TRIP12: variants seen among roughly 807,000 people sequenced by gnomAD.
TRIP12 encodes the protein E3 ubiquitin-protein ligase TRIP12.
A neutral mutation model predicts 244.2 loss-of-function variants in TRIP12; 25 were observed. That is an observed-to-expected ratio of 0.10 (90% CI 0.07 to 0.14). The LOEUF is 0.14. Ranked by LOEUF, TRIP12 falls within the 10% of genes least tolerant of loss-of-function variation. The pLI, the probability that TRIP12 is intolerant of heterozygous loss-of-function variation, is 1.00. For synonymous variants in TRIP12, 905 were observed against 873.1 expected (o/e 1.04, Z -0.64); for missense variants, 1,677 against 2,486.4 (o/e 0.67, Z 6.92).
At chr2:229,906,359 TTTC>T (rs1577025407) in intron 1 of TRIP12, among the ~76,000 whole-genome samples, 1 of 150,948 alleles carries the variant, frequency 6.6e-6, no homozygotes, top group East Asian at 2.0e-4. Context: ...TGCATGAATC[TTTC>T]TTCATCAGGT....
chr2:229,862,489 A>G (rs1394044981), intron 2 of TRIP12, among the ~76,000 whole-genome samples: 3 of 152,212 alleles, frequency 2.0e-5, no homozygotes, highest in African/African-American at 7.2e-5. Context: ...ATCGTTGCAG[A>G]CTGATGTTTT....
intron 28 of TRIP12, 43 bp downstream of exon 28, chr2:229,792,110 C>T: frequency 6.2e-7 from 1 of 1,614,018 alleles, no homozygotes; most frequent in South Asian, 1.1e-5. Flanking sequence ...AGGCCCTGAA[C>T]TTTATATAGT....
chr2:229,859,481 A>G lies in TRIP12; in HGVS notation c.318T>C (p.Pro106=). 1.2e-6 allele frequency: 2 copies of G among 1,614,166 alleles called. No individual in the cohort carries two copies. The highest frequency in any genetic ancestry group is 1.7e-6 in the Non-Finnish European group (2 of 1,180,020). The change falls in exon 4 of 42, where the codon CCT becomes CCC. Residue 106 remains proline, a synonymous_variant. Transcript: ENST00000675903. The stretch of plus-strand genomic sequence containing the variant: ...TCACTCCTCGAGAATTGTCTTTCTT[A>G]GGCACCTGCCCCGTTTTTTGTCTTT... ...TSERQKTGQV[P]KKDNSRGVKR... is the part of the protein sequence containing the mutation.
chr2:229,831,886 G>GTT (rs1311354956), intron 6 of TRIP12, among the ~76,000 whole-genome samples: 1 of 91,600 alleles, frequency 1.1e-5, no homozygotes, highest in Non-Finnish European at 2.4e-5. Flanking sequence ...TTGTTTTTTG[G>GTT]GTTTTTTTTT....
intron 13 of TRIP12, 66 bp downstream of exon 13, chr2:229,813,804 A>T (rs1215328419): frequency 9.5e-6 from 11 of 1,161,518 alleles, no homozygotes; most frequent in Non-Finnish European, 1.2e-5. Context: ...AAATAAAATA[A>T]AATATAAAAT....
chr2:229,892,386 A>G (rs1260040920), intron 1 of TRIP12, among the ~76,000 whole-genome samples: 2 of 152,180 alleles, frequency 1.3e-5, no homozygotes, highest in Non-Finnish European at 2.9e-5. Context: ...TCAACAGTGG[A>G]GCAGAGAGAG....
At chr2:229,805,352 G>GT (rs753461187) in intron 18 of TRIP12, among the ~76,000 whole-genome samples, 198 of 152,150 alleles carry the variant, frequency 1.3e-3, no homozygotes, top group Non-Finnish European at 2.3e-3. Flanking sequence ...GTTTTGTTTT[G>GT]TTTTTTTAAT....
chr2:229,789,125 T>A (rs988122743), intron 31 of TRIP12, among the ~76,000 whole-genome samples, 185 bp from the exon 32 acceptor site: 3 of 152,210 alleles, frequency 2.0e-5, no homozygotes, highest in Non-Finnish European at 4.4e-5. Flanking sequence ...CAATACACTG[T>A]TAAGCCCTCA....
At chr2:229,848,687 C>G (rs1016125380) in intron 4 of TRIP12, among the ~76,000 whole-genome samples, 1 of 152,144 alleles carries the variant, frequency 6.6e-6, no homozygotes, top group Non-Finnish European at 1.5e-5. Flanking sequence ...GGTTTTAGAG[C>G]TGTAAGTCCT....
rs765013758 is a variant in TRIP12, at chr2:229,785,772, G to A, written c.5079C>T (p.Ile1693=). The change falls in exon 34 of 42, where the codon ATC becomes ATT. Residue 1693 remains isoleucine (I), a synonymous_variant. Transcript: ENST00000675903. The part of the protein sequence containing the change: ...DLGSSRAMLE[I]QYENEVGTGL... ...CCAAGCTCACCTCATTTTCATACTG[G>A]ATTTCTAACATGGCCCGTGAGCTGC... is the stretch of plus-strand genomic sequence containing the variant. The A allele has an allele frequency of 1.7e-5, 28 of 1,613,274 alleles. No individual in the cohort carries two copies. In the Admixed American group the frequency reaches 2.0e-4, roughly 12 times the overall value.
intron 8 of TRIP12, among the ~76,000 whole-genome samples, chr2:229,826,329 AAAG>A (rs1354053521): frequency 6.6e-6 from 1 of 152,218 alleles, no homozygotes. Context: ...TTTACCAAGA[AAAG>A]AAGATAAAGG....
intron 2 of TRIP12, 115 bp from the exon 3 acceptor site, chr2:229,860,646 C>G: frequency 1.0e-6 from 1 of 985,940 alleles, no homozygotes; most frequent in African/African-American, 1.7e-5. Context: ...ATTGTTGACC[C>G]TACCCTTTTT....
At chr2:229,846,627 G>A (rs1438884260) in intron 4 of TRIP12, among the ~76,000 whole-genome samples, 1 of 151,768 alleles carries the variant, frequency 6.6e-6, no homozygotes, top group Non-Finnish European at 1.5e-5. Flanking sequence ...CATCTCCAAG[G>A]TATGCCCGTG....
chr2:229,919,930 G>T (rs2076187077), intron 1 of TRIP12, among the ~76,000 whole-genome samples: 1 of 152,158 alleles, frequency 6.6e-6, no homozygotes, highest in Non-Finnish European at 1.5e-5. Flanking sequence ...TCAAAAGAAA[G>T]AATTAGAAAT....
intron 32 of TRIP12, 119 bp from the exon 33 acceptor site, chr2:229,787,780 T>A (rs777006007): frequency 1.4e-5 from 14 of 995,812 alleles, no homozygotes; most frequent in Non-Finnish European, 2.0e-5. Flanking sequence ...GTAAATAAAA[T>A]CAGTAAAAAT....
chr2:229,815,623 T>C (rs988965616), intron 9 of TRIP12, among the ~76,000 whole-genome samples: 5 of 152,024 alleles, frequency 3.3e-5, no homozygotes, highest in Admixed American at 1.3e-4. Context: ...CAGAAGCCTA[T>C]TAATATATCC....
chr2:229,850,454 G>A (rs1403075181), intron 4 of TRIP12, among the ~76,000 whole-genome samples: 1 of 152,160 alleles, frequency 6.6e-6, no homozygotes, highest in African/African-American at 2.4e-5. Context: ...TAAGCTCCCT[G>A]CCCAACTCTT....
intron 2 of TRIP12, 53 bp from the exon 3 acceptor site, chr2:229,860,584 C>A: frequency 2.0e-6 from 3 of 1,470,554 alleles, no homozygotes; most frequent in South Asian, 3.0e-5. Flanking sequence ...GATGCAAATA[C>A]AATACTGAAA....
intron 4 of TRIP12, among the ~76,000 whole-genome samples, chr2:229,846,387 T>G (rs965387897): frequency 1.3e-5 from 2 of 152,140 alleles, no homozygotes; most frequent in African/African-American, 4.8e-5. Flanking sequence ...AGCAAAAAGA[T>G]TATGACTTGC....
Sources: gnomAD v4.1 joint callset for allele counts (sites outside exome capture counted in the v4.1 genomes callset) on GRCh38, gnomAD v4.1.1 for gene constraint, MANE v1.5 for transcripts, NCBI Gene and HGNC (gene_info 2026-07-23, HGNC 2026-07-21) for gene names.